Variants in DNAH11 observed in about 807,000 individuals in gnomAD.
The protein encoded by DNAH11 is dynein axonemal heavy chain 11.
DNAH11 carries 442 observed loss-of-function variants against 526.0 expected under a neutral mutation model. That is an observed-to-expected ratio of 0.84 (90% CI 0.78 to 0.91). The LOEUF (loss-of-function observed/expected upper bound fraction) is 0.91, where lower values mean the gene tolerates loss of function less well. Among genes scored for constraint, DNAH11 ranks in the 40% least tolerant of loss-of-function variants. The probability of loss-of-function intolerance (pLI) is 0.00; values close to 1 mark genes in which losing one functional copy is unlikely to be tolerated. For synonymous variants in DNAH11, 2,461 were observed against 1,935.9 expected (o/e 1.27, Z -7.12); for missense variants, 6,989 against 5,448.7 (o/e 1.28, Z -8.90).
At chr7:21,667,087 C>T (rs1248989995) in intron 30 of DNAH11, among the ~76,000 whole-genome samples, 1 of 152,064 alleles carries the variant, frequency 6.6e-6, no homozygotes, top group East Asian at 1.9e-4. Flanking sequence ...ATTATGAACT[C>T]ACCTTAAGCA....
At chr7:21,824,576 A>G (rs189905028) in intron 65 of DNAH11, among the ~76,000 whole-genome samples, 1 of 152,344 alleles carries the variant, frequency 6.6e-6, no homozygotes, top group East Asian at 1.9e-4. Flanking sequence ...TCTCCAAAGA[A>G]CTACAAATAG....
chr7:21,841,494 TC>T (rs1483278670), intron 65 of DNAH11, among the ~76,000 whole-genome samples: 3 of 152,164 alleles, frequency 2.0e-5, no homozygotes, highest in Non-Finnish European at 4.4e-5. Context: ...TTGCACACGT[TC>T]CCCATGTCTG....
chr7:21,699,842 A>G, intron 36 of DNAH11, among the ~76,000 whole-genome samples: 1 of 152,076 alleles, frequency 6.6e-6, no homozygotes, highest in South Asian at 2.1e-4. Context: ...ATAACTAATA[A>G]TGTGCTTTTT....
At chr7:21,677,111 C>G (rs1014648279) in intron 30 of DNAH11, among the ~76,000 whole-genome samples, 2 of 151,608 alleles carry the variant, frequency 1.3e-5, no homozygotes, top group African/African-American at 4.8e-5. Context: ...GCTTTTTAAA[C>G]ATTTAACTAC....
chr7:21,618,973 A>G, intron 23 of DNAH11, 127 bp from the exon 24 acceptor site: 1 of 1,219,358 alleles, frequency 8.2e-7, no homozygotes, highest in Non-Finnish European at 1.2e-6. Flanking sequence ...ACGTATTTCA[A>G]GACGAGAGAT....
At chr7:21,801,025 A>G (rs765374907) in intron 61 of DNAH11, 112 bp from the exon 62 acceptor site, 20 of 1,138,850 alleles carry the variant, frequency 1.8e-5, no homozygotes, top group Non-Finnish European at 2.4e-5. Flanking sequence ...GCAAAGGTTA[A>G]TGGGGGGAAG....
At chr7:21,835,994 C>T (rs566873467) in intron 65 of DNAH11, among the ~76,000 whole-genome samples, 1 of 151,688 alleles carries the variant, frequency 6.6e-6, no homozygotes, top group South Asian at 2.1e-4. Context: ...GAAAGCAATT[C>T]CATTTACAAA....
chr7:21,900,151 CT>C, intron 81 of DNAH11, 31 bp downstream of exon 81: 2 of 1,583,784 alleles, frequency 1.3e-6, no homozygotes, highest in Non-Finnish European at 1.7e-6. Context: ...AGTGGGGAAC[CT>C]TTTCTTACTC....
chr7:21,719,383 C>T (rs778506767), intron 43 of DNAH11, among the ~76,000 whole-genome samples: 4 of 152,132 alleles, frequency 2.6e-5, no homozygotes, highest in South Asian at 2.1e-4. Context: ...CATTAAAGTA[C>T]GTTAAATGCT....
At chr7:21,879,698 G>T (rs1245231161) in intron 74 of DNAH11, among the ~76,000 whole-genome samples, 3 of 152,124 alleles carry the variant, frequency 2.0e-5, no homozygotes, top group Non-Finnish European at 2.9e-5. Context: ...TGTTCCATGA[G>T]ATCATTCATA....
chr7:21,893,452 C>A (rs1784399656), intron 77 of DNAH11, among the ~76,000 whole-genome samples: 1 of 152,176 alleles, frequency 6.6e-6, no homozygotes. Flanking sequence ...CTGTCTACCT[C>A]CACTGTAAAT....
At chr7:21,651,213 G>A (rs1781751206) in intron 28 of DNAH11, among the ~76,000 whole-genome samples, 1 of 152,138 alleles carries the variant, frequency 6.6e-6, no homozygotes, top group Admixed American at 6.5e-5. Context: ...ACTAGGCTTT[G>A]TGTATATTTT....
intron 25 of DNAH11, 61 bp downstream of exon 25, chr7:21,620,139 T>C: frequency 1.5e-5 from 20 of 1,317,370 alleles, no homozygotes; most frequent in Non-Finnish European, 2.0e-5. Flanking sequence ...CAAATAATTG[T>C]ATATATAGGG....
intron 42 of DNAH11, among the ~76,000 whole-genome samples, chr7:21,713,573 C>T (rs1784541116): frequency 6.6e-6 from 1 of 152,162 alleles, no homozygotes; most frequent in African/African-American, 2.4e-5. Flanking sequence ...ACCCTTTTGG[C>T]ATGGTACTGT....
At chr7:21,818,109 T>A (rs1789885258) in intron 64 of DNAH11, 108 bp from the exon 65 acceptor site, 1 of 1,098,808 alleles carries the variant, frequency 9.1e-7, no homozygotes, top group Non-Finnish European at 1.3e-6. Flanking sequence ...TTCTCTAAGT[T>A]TGTCCCATTT....
At chr7:21,618,615 T>C (rs192871424) in intron 23 of DNAH11, 22 of 169,762 alleles carry the variant, frequency 1.3e-4, no homozygotes, top group Non-Finnish European at 2.4e-4. Flanking sequence ...ATAATGACAC[T>C]GTAAGACTAT....
intron 31 of DNAH11, 125 bp from the exon 32 acceptor site, chr7:21,683,659 A>G: frequency 9.8e-7 from 1 of 1,019,618 alleles, no homozygotes; most frequent in Non-Finnish European, 1.4e-6. Context: ...AATTTGCAAT[A>G]GCGTGCAAGA....
chr7:21,652,426 G>A (rs551342902), intron 28 of DNAH11, among the ~76,000 whole-genome samples: 11 of 152,286 alleles, frequency 7.2e-5, no homozygotes, highest in East Asian at 1.9e-4. Context: ...AAAGATGCTC[G>A]TTCTGTACCT....
chr7:21,573,675 A>C (rs1783978228), intron 8 of DNAH11, among the ~76,000 whole-genome samples: 1 of 152,090 alleles, frequency 6.6e-6, no homozygotes, highest in Non-Finnish European at 1.5e-5. Context: ...TTAACAAATG[A>C]CTTCCAACCT....
Sources: allele counts gnomAD v4.1 joint callset (sites outside exome capture counted in the v4.1 genomes callset), GRCh38; gene constraint gnomAD v4.1.1; transcripts MANE v1.5; gene names NCBI Gene and HGNC (gene_info 2026-07-23, HGNC 2026-07-21).